LPXN: variants seen among roughly 807,000 people sequenced by gnomAD.
LPXN encodes the protein leupaxin.
A neutral mutation model predicts 45.6 loss-of-function variants in LPXN; 28 were observed. The observed-to-expected ratio is 0.61, with a 90% CI of 0.45 to 0.84. The LOEUF is 0.84. Among genes scored for constraint, LPXN ranks in the 40% least tolerant of loss-of-function variants. LPXN has a pLI of 0.00. For synonymous variants in LPXN, 166 were observed against 169.9 expected, an observed-to-expected ratio of 0.98 and a Z score of 0.18; for missense variants, 459 against 475.0, an observed-to-expected ratio of 0.97 and a Z score of 0.31.
chr11:58,576,758 T>C, upstream of LPXN, among the ~76,000 whole-genome samples: 1 of 152,200 alleles, frequency 6.6e-6, no homozygotes. Flanking sequence ...CTGGGATCTT[T>C]CCTCTACAAC....
intron 2 of LPXN, among the ~76,000 whole-genome samples, chr11:58,568,549 G>A (rs1446627740): frequency 6.6e-6 from 1 of 151,150 alleles, no homozygotes; most frequent in Non-Finnish European, 1.5e-5. Context: ...GTGGCAGTGA[G>A]CCAAGATTGC....
Position 58,550,133 on chromosome 11 carries a change from A to T in LPXN, c.500T>A (p.Leu167Gln). 1.2e-6 allele frequency: 2 copies of T among 1,613,716 alleles called. No individual in the cohort carries two copies. The highest frequency in any genetic ancestry group is 1.7e-6 in the Non-Finnish European group (2 of 1,179,606). Residue 167 changes from leucine to glutamine, a missense_variant, in exon 6 of 9, where the codon CTA (leucine) becomes CAA (glutamine). Coordinates refer to ENST00000395074, the MANE Select transcript of LPXN (RefSeq NM_004811.3). ...KPIAGKVIHA[L>Q]GQSWHPEHFV... ...ATGCTCAGGATGCCATGATTGCCCT[A>T]GAGCATGGATCACCTGTGGAGTGAA...
intron 7 of LPXN, among the ~76,000 whole-genome samples, chr11:58,543,205 C>T (rs1460963584): frequency 1.3e-5 from 2 of 152,124 alleles, no homozygotes; most frequent in Non-Finnish European, 2.9e-5. Flanking sequence ...CAAGAACTTT[C>T]CTTTTTGTCA....
upstream of LPXN, chr11:58,578,199 C>A (rs372732111): frequency 2.0e-6 from 2 of 1,008,668 alleles, no homozygotes; most frequent in African/African-American, 3.3e-5. Flanking sequence ...CAGCAATTGG[C>A]TCGACGCTTG....
chr11:58,577,912 C>A (rs1854952874), upstream of LPXN: 1 of 1,258,260 alleles, frequency 7.9e-7, no homozygotes, highest in Non-Finnish European at 1.1e-6. Context: ...TGATTAAGAG[C>A]CAACTGAGTA....
At chr11:58,531,093 G>A (rs1012773328) in intron 7 of LPXN, among the ~76,000 whole-genome samples, 1 of 152,086 alleles carries the variant, frequency 6.6e-6, no homozygotes, top group African/African-American at 2.4e-5. Flanking sequence ...TCAAGAAGAT[G>A]GGGAGAAACC....
At chr11:58,541,801 C>A (rs1339132052) in intron 7 of LPXN, among the ~76,000 whole-genome samples, 3 of 151,712 alleles carry the variant, frequency 2.0e-5, no homozygotes, top group African/African-American at 7.3e-5. Flanking sequence ...AAATGTCCAA[C>A]AATGATAGAC....
intron 7 of LPXN, among the ~76,000 whole-genome samples, chr11:58,531,001 A>C (rs763867598): frequency 6.6e-6 from 1 of 152,238 alleles, no homozygotes; most frequent in Non-Finnish European, 1.5e-5. Flanking sequence ...AGAAAGGAAT[A>C]GCATCAACAT....
At chr11:58,538,170 C>T (rs1853611238) in intron 7 of LPXN, among the ~76,000 whole-genome samples, 1 of 152,130 alleles carries the variant, frequency 6.6e-6, no homozygotes, top group Non-Finnish European at 1.5e-5. Context: ...TCCAGTCTAT[C>T]ACTGATGGAC....
rs1371498827 is a variant in LPXN at position 58,549,600 on chromosome 11, A to ACCCTTT, written c.742+185_742+186insAAAGGG. 2.0e-4 allele frequency among the ~76,000 whole-genome samples: 31 copies of ACCCTTT among 152,352 alleles called. No individual in the cohort carries two copies. The East Asian group carries it at 3.7e-3, about 18-fold the overall frequency. On this transcript the variant is annotated intron_variant, in intron 7 of 8. Coordinates refer to ENST00000395074, the MANE Select transcript of LPXN (RefSeq NM_004811.3). Reference sequence around the variant, plus strand: ...TATGCATTTGTATTTCTGTGATTTAAAAAATCAATTTAAAGGGAAATTATA... The same window carrying ACCCTTT: ...TATGCATTTGTATTTCTGTGATTTAACCCTTTAAAATCAATTTAAAGGGAAATTATA...
At chr11:58,576,780 C>T (rs1854905144), upstream of LPXN, among the ~76,000 whole-genome samples, 3 of 152,030 alleles carry the variant, frequency 2.0e-5, no homozygotes, top group South Asian at 6.2e-4. Context: ...CCGTAGCCTT[C>T]TTTACTTTTT....
At chr11:58,533,786 T>C (rs1226671833) in intron 7 of LPXN, among the ~76,000 whole-genome samples, 1 of 151,754 alleles carries the variant, frequency 6.6e-6, no homozygotes, top group Non-Finnish European at 1.5e-5. Flanking sequence ...CCATCTCACA[T>C]GCAAAGACAC....
intron 7 of LPXN, among the ~76,000 whole-genome samples, chr11:58,547,333 CAAAG>C (rs1367371990): frequency 1.3e-5 from 2 of 152,146 alleles, no homozygotes; most frequent in African/African-American, 4.8e-5. Flanking sequence ...AACAAATCCT[CAAAG>C]AAACATGACA....
rs200890168 is a variant in LPXN, at chr11:58,550,005, G to A, written c.628C>T (p.Arg210Cys). 3.0e-5 allele frequency: 49 copies of A among 1,614,212 alleles called. No individual in the cohort carries two copies. Among genetic ancestry groups the A allele is most frequent in the African/African-American group, 2.7e-5 (2 of 75,044 alleles). Residue 210 changes from arginine to cysteine, a missense_variant, in exon 6 of 9, where the codon CGC becomes TGC. Coordinates refer to ENST00000395074, the MANE Select transcript of LPXN (RefSeq NM_004811.3). Reference protein sequence around the residue: ...PNDYHQLFSPRCAYCAAPILD... With the variant: ...PNDYHQLFSPCCAYCAAPILD... ...ATGGGAGCAGCGCAGTAAGCACAGC[G>A]TGGAGAAAAAAGTTGGTGGTAGTCG...
intron 2 of LPXN, among the ~76,000 whole-genome samples, chr11:58,567,197 G>T (rs114605283): frequency 0.026 from 4,020 of 152,152 alleles, 179 homozygotes; most frequent in African/African-American, 0.092. Context: ...ACACAATGCT[G>T]TGCTCTATTA....
At chr11:58,556,390 G>A (rs938694961) in intron 3 of LPXN, among the ~76,000 whole-genome samples, 1 of 151,984 alleles carries the variant, frequency 6.6e-6, no homozygotes, top group Non-Finnish European at 1.5e-5. Flanking sequence ...CTGATAAAAT[G>A]TTTCCATAAG....
intron 7 of LPXN, among the ~76,000 whole-genome samples, chr11:58,529,236 C>A (rs1014914002): frequency 6.6e-6 from 1 of 152,108 alleles, no homozygotes; most frequent in Non-Finnish European, 1.5e-5. Flanking sequence ...AGACAAATAA[C>A]AATCTGAAGA....
At chr11:58,575,952 T>G, upstream of LPXN, 1 of 1,440,306 alleles carries the variant, frequency 6.9e-7, no homozygotes, top group East Asian at 2.5e-5. Context: ...TTTTTTTTTT[T>G]TTCATAGGTT....
At chr11:58,576,015 T>C (rs984337230), upstream of LPXN, 2 of 1,269,242 alleles carry the variant, frequency 1.6e-6, no homozygotes, top group African/African-American at 3.0e-5. Context: ...AAGATTTGCA[T>C]TATGGCAGTG....
Sources: allele counts gnomAD v4.1 joint callset (sites outside exome capture counted in the v4.1 genomes callset), GRCh38; gene constraint gnomAD v4.1.1; transcripts MANE v1.5; gene names NCBI Gene and HGNC (gene_info 2026-07-23, HGNC 2026-07-21).